Variants in EPB41L4A observed in about 807,000 individuals in gnomAD.
The protein encoded by EPB41L4A is band 4.1-like protein 4A.
In EPB41L4A, 100 loss-of-function variants were observed where a neutral mutation model predicts 108.6. The ratio of observed to expected loss-of-function variants is 0.92; its 90% CI spans 0.78 to 1.09. The LOEUF (loss-of-function observed/expected upper bound fraction) is 1.09. Among genes scored for constraint, EPB41L4A ranks in the 50% least tolerant of loss-of-function variants. The pLI, the probability that EPB41L4A is intolerant of heterozygous loss-of-function variation, is 0.00. For synonymous variants in EPB41L4A, 319 were observed against 289.0 expected (o/e 1.10, Z -1.05); for missense variants, 1,030 against 842.7 (o/e 1.22, Z -2.75).
chr5:112,191,491 G>A (rs1344668793), intron 17 of EPB41L4A, among the ~76,000 whole-genome samples: 1 of 152,148 alleles, frequency 6.6e-6, no homozygotes, highest in African/African-American at 2.4e-5. Context: ...TTTGGGTAAA[G>A]TTGATTCATA....
chr5:112,395,792 A>C (rs1221936405), intron 1 of EPB41L4A, among the ~76,000 whole-genome samples: 1 of 152,238 alleles, frequency 6.6e-6, no homozygotes, highest in Non-Finnish European at 1.5e-5. Context: ...AGACTTATGC[A>C]CACTTATGTT....
At chr5:112,248,138 T>C (rs1194402626) in intron 9 of EPB41L4A, among the ~76,000 whole-genome samples, 1 of 152,154 alleles carries the variant, frequency 6.6e-6, no homozygotes, top group Non-Finnish European at 1.5e-5. Flanking sequence ...GGCAGAGTGA[T>C]CCAAATACTA....
chr5:112,335,248 C>T (rs1215821905), intron 1 of EPB41L4A, among the ~76,000 whole-genome samples: 1 of 152,182 alleles, frequency 6.6e-6, no homozygotes, highest in Non-Finnish European at 1.5e-5. Flanking sequence ...TATCTATTAA[C>T]ACCCAAGCAC....
intron 1 of EPB41L4A, among the ~76,000 whole-genome samples, chr5:112,348,527 G>C (rs1757831241): frequency 6.6e-6 from 1 of 152,120 alleles, no homozygotes; most frequent in Non-Finnish European, 1.5e-5. Flanking sequence ...AAAGCATCTG[G>C]GAAGTCCCCT....
intron 1 of EPB41L4A, among the ~76,000 whole-genome samples, chr5:112,312,146 A>T (rs1459926392): frequency 6.6e-6 from 1 of 152,204 alleles, no homozygotes; most frequent in Non-Finnish European, 1.5e-5. Context: ...AAAAGGATCT[A>T]ATATTCTACC....
intron 4 of EPB41L4A, among the ~76,000 whole-genome samples, chr5:112,274,316 T>A (rs1752472692): frequency 6.6e-6 from 1 of 152,068 alleles, no homozygotes; most frequent in South Asian, 2.1e-4. Context: ...TGAAATATAA[T>A]CTTTTCATCA....
At chr5:112,241,954 A>AT (rs1561503240) in intron 9 of EPB41L4A, among the ~76,000 whole-genome samples, 1 of 152,232 alleles carries the variant, frequency 6.6e-6, no homozygotes, top group Non-Finnish European at 1.5e-5. Flanking sequence ...TATATACTAT[A>AT]ATTTAAAAAT....
intron 12 of EPB41L4A, among the ~76,000 whole-genome samples, chr5:112,224,924 G>C (rs1237082528): frequency 1.3e-5 from 2 of 152,190 alleles, no homozygotes; most frequent in Admixed American, 1.3e-4. Context: ...TTCTAGGTCA[G>C]AATGTCTTGT....
At chr5:112,223,417 T>C (rs553398947) in intron 12 of EPB41L4A, among the ~76,000 whole-genome samples, 118 of 151,916 alleles carry the variant, frequency 7.8e-4, no homozygotes, top group Non-Finnish European at 1.5e-3. Flanking sequence ...CTGAAGAAAA[T>C]ACTGGCATAG....
Position 112,339,520 on chromosome 5 carries a change from A to ATC in EPB41L4A, c.100-32031_100-32030insGA, listed in dbSNP as rs1313111688. Reference sequence around the variant, plus strand: ...TCTATATATATATATAGATATATAGATATATATCTATATATATATATATTT... The same window carrying ATC: ...TCTATATATATATATAGATATATAGATCTATATATCTATATATATATATATTT... On this transcript the variant is annotated intron_variant, in intron 1 of 22. Transcript: ENST00000261486. Among the ~76,000 whole-genome samples the ATC allele has an allele frequency of 1.9e-3, 98 of 52,520 alleles. 1 individual carries two copies. Among genetic ancestry groups the ATC allele is most frequent in the African/African-American group, 6.9e-3 (95 of 13,852 alleles). 34.5% of individuals were successfully genotyped at this position (52,520 alleles called of 152,430 possible).
chr5:112,337,397 C>T (rs746190977), intron 1 of EPB41L4A, among the ~76,000 whole-genome samples: 8 of 152,270 alleles, frequency 5.3e-5, no homozygotes, highest in Non-Finnish European at 7.4e-5. Context: ...CCGTGTTAAG[C>T]ACTGTTTTAT....
At chr5:112,152,990 G>A (rs760783764) in intron 12 of EPB41L4A, among the ~76,000 whole-genome samples, 17 of 152,114 alleles carry the variant, frequency 1.1e-4, no homozygotes, top group South Asian at 2.1e-4. Flanking sequence ...AGGCTAAGGC[G>A]GGTGGATAGC....
chr5:112,192,897 C>G (rs953488915), intron 17 of EPB41L4A, among the ~76,000 whole-genome samples: 1 of 152,144 alleles, frequency 6.6e-6, no homozygotes, highest in South Asian at 2.1e-4. Flanking sequence ...CTGGCTTGAT[C>G]AATAAAAAGT....
intron 11 of EPB41L4A, among the ~76,000 whole-genome samples, chr5:112,235,020 A>G (rs1361106332): frequency 2.0e-5 from 3 of 152,240 alleles, no homozygotes; most frequent in Non-Finnish European, 4.4e-5. Context: ...TTTCAGTAGA[A>G]TGATGGGCTA....
At chr5:112,394,433 C>T (rs946591391) in intron 1 of EPB41L4A, among the ~76,000 whole-genome samples, 7 of 152,184 alleles carry the variant, frequency 4.6e-5, no homozygotes, top group African/African-American at 1.7e-4. Context: ...AAAACCATTC[C>T]TATACACCAA....
At chr5:112,262,389 G>C in intron 7 of EPB41L4A, 105 bp downstream of exon 7, 1 of 879,332 alleles carries the variant, frequency 1.1e-6, no homozygotes, top group South Asian at 1.5e-5. Flanking sequence ...AGTATCATCT[G>C]CTTGCTAAAC....
intron 1 of EPB41L4A, among the ~76,000 whole-genome samples, chr5:112,311,064 T>C (rs901438292): frequency 6.6e-6 from 1 of 152,150 alleles, no homozygotes; most frequent in Non-Finnish European, 1.5e-5. Context: ...CAGGCTGGAA[T>C]GCAGTGGTGT....
chr5:112,291,476 G>T (rs1753637754), intron 2 of EPB41L4A, among the ~76,000 whole-genome samples: 1 of 152,150 alleles, frequency 6.6e-6, no homozygotes, highest in Non-Finnish European at 1.5e-5. Flanking sequence ...CATAGCCCTT[G>T]TTAGTCTTTT....
At chr5:112,328,292 C>T (rs369739392) in intron 1 of EPB41L4A, among the ~76,000 whole-genome samples, 5 of 151,836 alleles carry the variant, frequency 3.3e-5, no homozygotes, top group Middle Eastern at 3.4e-3. Flanking sequence ...CTTGGTGACA[C>T]GGCGAGACTC....
Sources: allele counts gnomAD v4.1 joint callset (sites outside exome capture counted in the v4.1 genomes callset), GRCh38; gene constraint gnomAD v4.1.1; transcripts MANE v1.5; gene names NCBI Gene and HGNC (gene_info 2026-07-23, HGNC 2026-07-21).